Variants in MMP26 observed in about 807,000 individuals in gnomAD.
MMP26 encodes matrix metalloproteinase-26.
In MMP26, 33 loss-of-function variants were observed where a neutral mutation model predicts 31.0. The ratio of observed to expected loss-of-function variants is 1.06; its 90% CI spans 0.81 to 1.42. The LOEUF is 1.42. Among genes scored for constraint, MMP26 ranks in the 40% most tolerant of loss-of-function variants. The probability of loss-of-function intolerance (pLI) is 0.00; values close to 1 mark genes in which losing one functional copy is unlikely to be tolerated. For synonymous variants in MMP26, 122 were observed against 114.9 expected, an observed-to-expected ratio of 1.06 and a Z score of -0.40; for missense variants, 347 against 316.1, an observed-to-expected ratio of 1.10 and a Z score of -0.74.
chr11:4,930,402 G>T (rs1024122683), intron 2 of MMP26, among the ~76,000 whole-genome samples: 1 of 152,030 alleles, frequency 6.6e-6, no homozygotes, highest in African/African-American at 2.4e-5. Flanking sequence ...AATAGTAAAA[G>T]AACAAAGTAA....
chr11:4,898,400 G>A (rs1174040672), intron 2 of MMP26, among the ~76,000 whole-genome samples: 1 of 151,386 alleles, frequency 6.6e-6, no homozygotes, highest in Non-Finnish European at 1.5e-5. Flanking sequence ...TAATTTCTTT[G>A]TGTTTATCCT....
At chr11:4,824,233 G>A (rs1281877983) in intron 2 of MMP26, among the ~76,000 whole-genome samples, 2 of 152,052 alleles carry the variant, frequency 1.3e-5, no homozygotes, top group Non-Finnish European at 2.9e-5. Flanking sequence ...GCTGATGTCA[G>A]CCTGGTGCTG....
At chr11:4,712,728 T>G (rs947469987) in intron 1 of MMP26, among the ~76,000 whole-genome samples, 9 of 152,128 alleles carry the variant, frequency 5.9e-5, no homozygotes, top group African/African-American at 2.2e-4. Context: ...TATACGTACC[T>G]TAATAAAATC....
chr11:4,926,955 C>A, intron 2 of MMP26, among the ~76,000 whole-genome samples: 1 of 152,146 alleles, frequency 6.6e-6, no homozygotes. Context: ...GTTTTTAGTG[C>A]AGCTATTGTC....
At chr11:4,830,719 C>T (rs1418427251) in intron 2 of MMP26, among the ~76,000 whole-genome samples, 5 of 152,184 alleles carry the variant, frequency 3.3e-5, no homozygotes, top group African/African-American at 9.7e-5. Context: ...TTTTATTCTA[C>T]AGCTCTTGAA....
chr11:4,800,610 T>C (rs1439645895), intron 2 of MMP26, among the ~76,000 whole-genome samples: 1 of 152,230 alleles, frequency 6.6e-6, no homozygotes, highest in Non-Finnish European at 1.5e-5. Context: ...CATACTAATC[T>C]CTCTAGCAAG....
In MMP26 at chr11:4,992,404, A is replaced by G. The variant is rs1847022760; in HGVS notation, c.*162A>G. 1.6e-6 allele frequency: 1 copy of G among 644,332 alleles called. No homozygotes were observed. Among genetic ancestry groups the G allele is most frequent in the Non-Finnish European group, 2.7e-6 (1 of 365,088 alleles). The allele number at this position is 644,332 out of a possible 1,614,324, so 39.9% of individuals were successfully genotyped here. ...CCGACACTCAAAACGCTACTGAGTC[A>G]CAATAAAGATTGTTTTAAAGAGTAA... On this transcript the variant is annotated 3_prime_UTR_variant, in exon 8 of 8. Coordinates refer to ENST00000380390, the MANE Select transcript of MMP26 (RefSeq NM_021801.5).
chr11:4,914,891 G>C lies in MMP26; in HGVS notation c.-144-73177G>C, dbSNP rs778900207. 8 of 1,614,170 alleles carry C rather than the reference G, an allele frequency of 5.0e-6. No homozygotes were observed. In the South Asian group the frequency reaches 8.8e-5, roughly 18 times the overall value. On this transcript the variant is annotated intron_variant, in intron 2 of 7. Transcript: ENST00000380390. ...GATGACAGAGAGGCCAATCATGGGA[G>C]TGTAGAAGAGCAGCACAGCACAGAT... is the stretch of plus-strand genomic sequence containing the variant.
intron 1 of MMP26, among the ~76,000 whole-genome samples, chr11:4,739,416 C>A (rs369857924): frequency 6.6e-6 from 1 of 152,110 alleles, no homozygotes; most frequent in East Asian, 1.9e-4. Context: ...ACTGGAAAAT[C>A]TTGCTAAGAC....
chr11:4,768,925 T>C, intron 2 of MMP26: 1 of 1,255,686 alleles, frequency 8.0e-7, no homozygotes, highest in East Asian at 2.3e-5. Context: ...AAGTTCGCTT[T>C]TCTACAGTGC....
At chr11:4,734,114 A>G (rs967177856) in intron 1 of MMP26, among the ~76,000 whole-genome samples, 2 of 152,188 alleles carry the variant, frequency 1.3e-5, no homozygotes, top group Admixed American at 1.3e-4. Context: ...AAGAAATCTT[A>G]ACAATTTTCT....
rs1564819746 is a variant in MMP26, at chr11:4,986,936, T to TCTCTCTCC, written c.-144-1125_-144-1124insCCTCTCTC. ...CTCTCTCTCTCTCTCTCTCTCCCTC[T>TCTCTCTCC]CTCTCTCTCTCTCTCTCTCTCTCCC... On this transcript the variant is annotated intron_variant, in intron 2 of 7. Coordinates refer to ENST00000380390, the MANE Select transcript of MMP26 (RefSeq NM_021801.5). Among the ~76,000 whole-genome samples, 459 of 113,014 alleles carry TCTCTCTCC rather than the reference T, an allele frequency of 4.1e-3. 12 individuals carry two copies. The highest frequency in any genetic ancestry group is 0.019 in the African/African-American group (405 of 21,634). 74.1% of individuals were successfully genotyped at this position (113,014 alleles called of 152,430 possible).
At chr11:4,991,939 CTT>C (rs137983092) in intron 6 of MMP26, 23 bp from the exon 7 acceptor site, 1 of 1,395,976 alleles carries the variant, frequency 7.2e-7, no homozygotes. Context: ...TTAATTTTAT[CTT>C]TTTTTTTTCT....
intron 2 of MMP26, among the ~76,000 whole-genome samples, chr11:4,807,539 T>C (rs993647737): frequency 6.6e-6 from 1 of 151,280 alleles, no homozygotes; most frequent in Non-Finnish European, 1.5e-5. Flanking sequence ...ACACCGCATG[T>C]TCTTACTCAT....
In MMP26 at chr11:4,838,013, A is replaced by T. The variant is rs901526631; in HGVS notation, c.-145+70672A>T. Among the ~76,000 whole-genome samples, 9 of 152,022 alleles carry T rather than the reference A, an allele frequency of 5.9e-5. No individual in the cohort carries two copies. In the East Asian group the frequency reaches 1.7e-3, roughly 29 times the overall value. On this transcript the variant is annotated intron_variant, in intron 2 of 7. Coordinates refer to ENST00000380390, the MANE Select transcript of MMP26 (RefSeq NM_021801.5). ...ATGCAAGAAAAAGGCATTCTCTGAC[A>T]TAGTATAGAAGTATGATTTGCTGGC...
At chr11:4,945,274 T>C (rs1166510657) in intron 2 of MMP26, 1 of 152,056 alleles carries the variant, frequency 6.6e-6, no homozygotes, top group African/African-American at 2.4e-5. Flanking sequence ...TATACAAAAT[T>C]GGAGTCAAGA....
chr11:4,812,953 T>TC (rs1849369532), intron 2 of MMP26, among the ~76,000 whole-genome samples: 1 of 151,986 alleles, frequency 6.6e-6, no homozygotes, highest in African/African-American at 2.4e-5. Context: ...CTTTTTTTTT[T>TC]CCACAGATAT....
intron 2 of MMP26, chr11:4,907,995 A>G: frequency 6.2e-7 from 1 of 1,614,206 alleles, no homozygotes; most frequent in Non-Finnish European, 8.5e-7. Context: ...ACTATGCTGG[A>G]CTTGGCACTG....
In MMP26 at chr11:4,948,119, T is replaced by G. The variant is rs1266869814; in HGVS notation, c.-144-39949T>G. Among the ~76,000 whole-genome samples, 5 of 124,788 alleles carry G rather than the reference T, an allele frequency of 4.0e-5. 2 individuals carry two copies. Among genetic ancestry groups the G allele is most frequent in the Non-Finnish European group, 9.1e-5 (5 of 54,978 alleles). The allele number at this position is 124,788 out of a possible 152,430, so 81.9% of individuals were successfully genotyped here. On this transcript the variant is annotated intron_variant, in intron 2 of 7. Transcript: ENST00000380390. The stretch of plus-strand genomic sequence containing the variant: ...CCTTAAAACCAACTTGTCCAACTTA[T>G]ACAAGTTTTTCTCCCTTACCAAATC...
Sources: gnomAD v4.1 joint callset for allele counts (sites outside exome capture counted in the v4.1 genomes callset) on GRCh38, gnomAD v4.1.1 for gene constraint, MANE v1.5 for transcripts, NCBI Gene and HGNC (gene_info 2026-07-23, HGNC 2026-07-21) for gene names.